The following PDGFC variants were observed in gnomAD, a reference collection of about 807,000 sequenced individuals.
The protein encoded by PDGFC is platelet derived growth factor C, also known as platelet-derived growth factor C.
Under a neutral mutation model 35.5 loss-of-function variants are expected in PDGFC, and 12 were observed. The observed-to-expected ratio is 0.34, with a 90% CI of 0.22 to 0.55. The LOEUF is 0.55. Among genes scored for constraint, PDGFC ranks in the 20% least tolerant of loss-of-function variants. PDGFC has a pLI of 0.91. For missense variants in PDGFC, 322 were observed against 412.4 expected (o/e 0.78, Z 1.90); for synonymous variants, 159 against 148.8 (o/e 1.07, Z -0.50).
intron 1 of PDGFC, among the ~76,000 whole-genome samples, chr4:156,853,801 A>G (rs1167138699): frequency 6.6e-6 from 1 of 152,060 alleles, no homozygotes; most frequent in Admixed American, 6.6e-5. Flanking sequence ...GTCTCTAGAA[A>G]AAATAACAAA....
At chr4:156,820,201 T>C (rs1356855167) in intron 2 of PDGFC, among the ~76,000 whole-genome samples, 2 of 152,242 alleles carry the variant, frequency 1.3e-5, no homozygotes, top group Admixed American at 1.3e-4. Flanking sequence ...GGATTTATAA[T>C]ATTCCATAAA....
chr4:156,790,665 CA>C (rs1208472308), intron 3 of PDGFC, among the ~76,000 whole-genome samples: 1 of 152,144 alleles, frequency 6.6e-6, no homozygotes, highest in Admixed American at 6.5e-5. Flanking sequence ...TTTTTCTCAA[CA>C]AAAATATTAA....
intron 3 of PDGFC, among the ~76,000 whole-genome samples, chr4:156,807,630 T>G (rs1164904167): frequency 6.6e-6 from 1 of 151,954 alleles, no homozygotes; most frequent in Non-Finnish European, 1.5e-5. Context: ...TTTCTGAAAA[T>G]TTTAACTAAT....
chr4:156,763,823 G>A (rs1341265915), intron 5 of PDGFC, among the ~76,000 whole-genome samples: 1 of 152,180 alleles, frequency 6.6e-6, no homozygotes, highest in Non-Finnish European at 1.5e-5. Flanking sequence ...ACTGTGCAGT[G>A]AGAAGAGGTT....
chr4:156,893,468 AG>A (rs1398459010), intron 1 of PDGFC, among the ~76,000 whole-genome samples: 1 of 151,866 alleles, frequency 6.6e-6, no homozygotes, highest in African/African-American at 2.4e-5. Context: ...TTGGGACTAT[AG>A]GTGCATGATT....
intron 1 of PDGFC, among the ~76,000 whole-genome samples, chr4:156,947,197 G>A (rs547927801): frequency 6.6e-6 from 1 of 152,068 alleles, no homozygotes; most frequent in African/African-American, 2.4e-5. Flanking sequence ...CAAGCCCTCT[G>A]CCCAGCCATC....
At chr4:156,825,137 C>T (rs898128189) in intron 2 of PDGFC, among the ~76,000 whole-genome samples, 1 of 152,114 alleles carries the variant, frequency 6.6e-6, no homozygotes, top group Non-Finnish European at 1.5e-5. Flanking sequence ...TGAACACAGT[C>T]GAGGTAGGCA....
At chr4:156,789,259 C>A (rs559839607) in intron 3 of PDGFC, among the ~76,000 whole-genome samples, 2 of 152,268 alleles carry the variant, frequency 1.3e-5, no homozygotes, top group South Asian at 2.1e-4. Flanking sequence ...AGAAAAAATA[C>A]ATTTTTCTGG....
In PDGFC at chr4:156,791,522, A is replaced by C. The variant is rs1437020644; in HGVS notation, c.496-18629T>G. Among the ~76,000 whole-genome samples, 6 of 152,184 alleles carry C rather than the reference A, an allele frequency of 3.9e-5. 1 individual carries two copies. The East Asian group carries it at 1.2e-3, about 29-fold the overall frequency. ...GACAGTTTAAAAAAAAAAAGAGGAA[A>C]TAATGTAAAGAATGCACTGAAATGA... On this transcript the variant is annotated intron_variant, in intron 3 of 5. Transcript: ENST00000502773.
At chr4:156,910,992 C>T (rs1731025329) in intron 1 of PDGFC, among the ~76,000 whole-genome samples, 1 of 152,092 alleles carries the variant, frequency 6.6e-6, no homozygotes, top group Non-Finnish European at 1.5e-5. Context: ...AAATCCATAG[C>T]TCGTCCTTTC....
At chr4:156,838,414 C>T (rs1053445909) in intron 2 of PDGFC, among the ~76,000 whole-genome samples, 7 of 152,198 alleles carry the variant, frequency 4.6e-5, no homozygotes, top group African/African-American at 1.4e-4. Flanking sequence ...CCAAACCAGG[C>T]CAATCACAAT....
chr4:156,807,167 G>A (rs945217484), intron 3 of PDGFC, among the ~76,000 whole-genome samples: 1 of 151,864 alleles, frequency 6.6e-6, no homozygotes, highest in Non-Finnish European at 1.5e-5. Context: ...CATGACTGGA[G>A]AATAATATTT....
At chr4:156,851,176 G>A (rs558391431) in intron 1 of PDGFC, among the ~76,000 whole-genome samples, 1 of 152,194 alleles carries the variant, frequency 6.6e-6, no homozygotes, top group East Asian at 1.9e-4. Flanking sequence ...CACGTGAACT[G>A]GAATTACTAA....
intron 3 of PDGFC, among the ~76,000 whole-genome samples, chr4:156,797,973 T>C (rs560715438): frequency 2.6e-5 from 4 of 152,112 alleles, no homozygotes; most frequent in Non-Finnish European, 5.9e-5. Flanking sequence ...GTGGATCACT[T>C]GAGGTCAGGA....
intron 4 of PDGFC, among the ~76,000 whole-genome samples, chr4:156,771,011 CA>C (rs1730680079): frequency 6.6e-6 from 1 of 152,158 alleles, no homozygotes; most frequent in Non-Finnish European, 1.5e-5. Flanking sequence ...TGTTATCCTA[CA>C]CTTGTATTTT....
At chr4:156,924,790 A>C (rs1458086104) in intron 1 of PDGFC, among the ~76,000 whole-genome samples, 1 of 152,172 alleles carries the variant, frequency 6.6e-6, no homozygotes, top group Admixed American at 6.5e-5. Flanking sequence ...ATAGTTATAC[A>C]CCAAATACTA....
At chr4:156,814,600 T>C (rs1277068360) in intron 2 of PDGFC, among the ~76,000 whole-genome samples, 1 of 151,946 alleles carries the variant, frequency 6.6e-6, no homozygotes, top group African/African-American at 2.4e-5. Context: ...ATCTTCCTAA[T>C]AAAAAAAGCA....
At chr4:156,880,694 A>G (rs543095496) in intron 1 of PDGFC, among the ~76,000 whole-genome samples, 8 of 152,196 alleles carry the variant, frequency 5.3e-5, no homozygotes, top group Non-Finnish European at 1.0e-4. Context: ...TTCCACTCTC[A>G]TGGATGACAC....
At chr4:156,896,155 T>G (rs1730629033) in intron 1 of PDGFC, among the ~76,000 whole-genome samples, 1 of 152,152 alleles carries the variant, frequency 6.6e-6, no homozygotes, top group African/African-American at 2.4e-5. Context: ...AATACATAAT[T>G]CAGAAACATA....
Sources: gnomAD v4.1 joint callset for allele counts (sites outside exome capture counted in the v4.1 genomes callset) on GRCh38, gnomAD v4.1.1 for gene constraint, MANE v1.5 for transcripts, NCBI Gene and HGNC (gene_info 2026-07-23, HGNC 2026-07-21) for gene names.